The following PTPRD variants were observed in gnomAD, a reference collection of about 807,000 sequenced individuals.
PTPRD encodes receptor-type tyrosine-protein phosphatase delta.
A neutral mutation model predicts 214.5 loss-of-function variants in PTPRD; 34 were observed. The observed-to-expected ratio is 0.16, with a 90% CI of 0.12 to 0.21. PTPRD has a LOEUF of 0.21. Ranked by LOEUF, PTPRD falls within the 10% of genes least tolerant of loss-of-function variation. PTPRD has a pLI of 1.00. For synonymous variants in PTPRD, 1,128 were observed against 845.7 expected (o/e 1.33, Z -5.79); for missense variants, 2,545 against 2,398.7 (o/e 1.06, Z -1.27).
chr9:8,638,870 G>T (rs964586840), intron 12 of PTPRD, among the ~76,000 whole-genome samples: 1 of 151,966 alleles, frequency 6.6e-6, no homozygotes, highest in African/African-American at 2.4e-5. Context: ...TTTAGATGGA[G>T]TCTCACTCTG....
At chr9:9,200,808 G>A (rs768712433) in intron 9 of PTPRD, among the ~76,000 whole-genome samples, 3 of 152,106 alleles carry the variant, frequency 2.0e-5, no homozygotes, top group African/African-American at 7.2e-5. Flanking sequence ...ACCAAAAACT[G>A]CAAAAACCTT....
intron 9 of PTPRD, among the ~76,000 whole-genome samples, chr9:9,287,656 G>T (rs1355831250): frequency 6.6e-6 from 1 of 151,870 alleles, no homozygotes; most frequent in Non-Finnish European, 1.5e-5. Context: ...TTAACTAAAG[G>T]TCCTACTGTG....
chr9:10,112,479 T>C (rs1237918664), intron 3 of PTPRD, among the ~76,000 whole-genome samples: 2 of 151,814 alleles, frequency 1.3e-5, no homozygotes, highest in African/African-American at 4.8e-5. Flanking sequence ...TTTTTAAAAA[T>C]ATAAGTAAAT....
At chr9:9,785,026 A>C (rs972631410) in intron 5 of PTPRD, among the ~76,000 whole-genome samples, 2 of 151,692 alleles carry the variant, frequency 1.3e-5, no homozygotes, top group East Asian at 1.9e-4. Context: ...TTGGAAAAAA[A>C]AAACTCTAGT....
intron 10 of PTPRD, among the ~76,000 whole-genome samples, chr9:9,063,911 T>C (rs905336544): frequency 2.7e-4 from 41 of 152,054 alleles, no homozygotes; most frequent in African/African-American, 9.2e-4. Context: ...TCAAAGAGAG[T>C]AGTCTTCTAT....
At chr9:9,253,791 A>G (rs971710590) in intron 9 of PTPRD, among the ~76,000 whole-genome samples, 9 of 152,142 alleles carry the variant, frequency 5.9e-5, no homozygotes, top group Non-Finnish European at 1.2e-4. Flanking sequence ...GCTGTAACAA[A>G]TTATCACAAA....
At chr9:8,905,985 G>T (rs2098705230) in intron 11 of PTPRD, among the ~76,000 whole-genome samples, 1 of 152,156 alleles carries the variant, frequency 6.6e-6, no homozygotes, top group Non-Finnish European at 1.5e-5. Flanking sequence ...TCCAAGTTTA[G>T]TCTTAAGTGA....
At chr9:9,652,991 A>C (rs1466875145) in intron 7 of PTPRD, among the ~76,000 whole-genome samples, 1 of 152,122 alleles carries the variant, frequency 6.6e-6, no homozygotes, top group Non-Finnish European at 1.5e-5. Flanking sequence ...CTTTATGGGA[A>C]ATGTTCAATA....
intron 3 of PTPRD, among the ~76,000 whole-genome samples, chr9:10,098,331 C>T (rs1047692136): frequency 3.5e-5 from 4 of 114,526 alleles, no homozygotes; most frequent in African/African-American, 1.4e-4. Flanking sequence ...CATCACACAC[C>T]AGGGATGGTT....
At chr9:10,528,580 AG>A (rs2055086355) in intron 2 of PTPRD, among the ~76,000 whole-genome samples, 1 of 152,204 alleles carries the variant, frequency 6.6e-6, no homozygotes, top group East Asian at 1.9e-4. Context: ...CTCAGGGCCT[AG>A]CCCAATGGCC....
chr9:9,217,907 A>G lies in PTPRD; in HGVS notation c.-202-34544T>C, dbSNP rs370584198. ...TCCCCTGCTCTCTTACATAATTAAT[A>G]CATAAATTTATTTTTATCTATGGCG... On this transcript the variant is annotated intron_variant, in intron 9 of 45. Transcript: ENST00000381196. Among the ~76,000 whole-genome samples the G allele has an allele frequency of 3.9e-4, 60 of 152,202 alleles. No homozygotes were observed. The South Asian group carries it at 0.012, about 29-fold the overall frequency.
At chr9:9,192,425 T>TA (rs1031704124) in intron 9 of PTPRD, among the ~76,000 whole-genome samples, 77 of 152,208 alleles carry the variant, frequency 5.1e-4, no homozygotes, top group African/African-American at 1.8e-3. Flanking sequence ...TCCTAGTGAT[T>TA]AAAAGGTTTC....
At chr9:9,126,796 G>A (rs2099834582) in intron 10 of PTPRD, among the ~76,000 whole-genome samples, 2 of 152,218 alleles carry the variant, frequency 1.3e-5, no homozygotes, top group South Asian at 2.1e-4. Flanking sequence ...TTGTTGTTGT[G>A]CATTTGTAAG....
At chr9:10,555,658 C>A (rs2062397863) in intron 2 of PTPRD, among the ~76,000 whole-genome samples, 1 of 152,042 alleles carries the variant, frequency 6.6e-6, no homozygotes, top group Non-Finnish European at 1.5e-5. Context: ...ACAGACAAAT[C>A]CTTTTTATTA....
At chr9:8,931,531 G>T (rs1445149058) in intron 11 of PTPRD, among the ~76,000 whole-genome samples, 1 of 152,140 alleles carries the variant, frequency 6.6e-6, no homozygotes, top group African/African-American at 2.4e-5. Context: ...GGATGGCATT[G>T]AATCTATAAA....
chr9:9,250,171 C>A (rs1408698285), intron 9 of PTPRD, among the ~76,000 whole-genome samples: 4 of 152,008 alleles, frequency 2.6e-5, no homozygotes, highest in Admixed American at 1.3e-4. Context: ...AGTTGACATC[C>A]TTACACTTAT....
intron 2 of PTPRD, among the ~76,000 whole-genome samples, chr9:10,451,841 C>T (rs35692381): frequency 0.012 from 1,887 of 152,054 alleles, 23 homozygotes; most frequent in Middle Eastern, 0.061. Flanking sequence ...AATGAGACAA[C>T]ACTAAACCTC....
chr9:10,558,952 A>G (rs1267148351), intron 2 of PTPRD, among the ~76,000 whole-genome samples: 2 of 152,140 alleles, frequency 1.3e-5, no homozygotes, highest in Non-Finnish European at 1.5e-5. Flanking sequence ...GAAAGGAAAA[A>G]CTGATCACCT....
At chr9:8,915,218 C>T (rs73422052) in intron 11 of PTPRD, among the ~76,000 whole-genome samples, 16 of 152,052 alleles carry the variant, frequency 1.1e-4, no homozygotes, top group African/African-American at 3.6e-4. Flanking sequence ...GTGTGTGTGA[C>T]GAGGAGGCAT....
Sources: allele counts gnomAD v4.1 joint callset (sites outside exome capture counted in the v4.1 genomes callset), GRCh38; gene constraint gnomAD v4.1.1; transcripts MANE v1.5; gene names NCBI Gene and HGNC (gene_info 2026-07-23, HGNC 2026-07-21).